Variants in MDGA2 observed in about 807,000 individuals in gnomAD.
MDGA2 encodes the protein MAM domain containing glycosylphosphatidylinositol anchor 2, also known as MAM domain-containing glycosylphosphatidylinositol anchor protein 2.
In MDGA2, 40 loss-of-function variants were observed where a neutral mutation model predicts 117.8. That is an observed-to-expected ratio of 0.34 (90% CI 0.26 to 0.44). The LOEUF (loss-of-function observed/expected upper bound fraction) is 0.44. Ranked by LOEUF, MDGA2 falls within the 20% of genes least tolerant of loss-of-function variation. The probability of loss-of-function intolerance (pLI) is 1.00; values close to 1 mark genes in which losing one functional copy is unlikely to be tolerated. For missense variants in MDGA2, 1,123 were observed against 1,250.6 expected (o/e 0.90, Z 1.54); for synonymous variants, 452 against 439.0 (o/e 1.03, Z -0.37).
chr14:47,562,013 A>AGG (rs1158928751), intron 1 of MDGA2, among the ~76,000 whole-genome samples: 2 of 152,192 alleles, frequency 1.3e-5, no homozygotes, highest in African/African-American at 4.8e-5. Context: ...AGTTCTGTCT[A>AGG]CAGGATAAAT....
At chr14:47,134,879 C>G (rs142890758) in intron 4 of MDGA2, among the ~76,000 whole-genome samples, 1 of 151,490 alleles carries the variant, frequency 6.6e-6, no homozygotes, top group Admixed American at 6.6e-5. Context: ...CTAAAAGCAA[C>G]CACGGAGTGA....
chr14:46,995,107 C>T (rs758022925), intron 8 of MDGA2, among the ~76,000 whole-genome samples: 11 of 151,454 alleles, frequency 7.3e-5, no homozygotes, highest in East Asian at 5.8e-4. Flanking sequence ...TCAGAGATGG[C>T]GATAAATATT....
At chr14:46,880,704 A>G (rs1882411579) in intron 11 of MDGA2, among the ~76,000 whole-genome samples, 1 of 149,772 alleles carries the variant, frequency 6.7e-6, no homozygotes, top group African/African-American at 2.5e-5. Flanking sequence ...CGGGAGGCTG[A>G]AGCAGGATAA....
chr14:47,255,804 T>C (rs966297088), intron 2 of MDGA2, among the ~76,000 whole-genome samples: 1 of 152,222 alleles, frequency 6.6e-6, no homozygotes, highest in South Asian at 2.1e-4. Flanking sequence ...GATATTATTC[T>C]TATATCTGAG....
Position 47,539,494 on chromosome 14 carries a change from C to T in MDGA2, c.280+135023G>A, listed in dbSNP as rs139221086. Among the ~76,000 whole-genome samples, 1,012 of 152,168 alleles carry T rather than the reference C, an allele frequency of 6.7e-3. 13 individuals carry two copies. The highest frequency in any genetic ancestry group is 0.023 in the African/African-American group (968 of 41,502). On this transcript the variant is annotated intron_variant, in intron 1 of 16. Coordinates refer to ENST00000399232, the MANE Select transcript of MDGA2 (RefSeq NM_001113498.3). ...GGAGCTGACAGGCAGTGAATAGATA[C>T]CCAGAACATCACTCAACAATCAAAA...
chr14:47,398,287 T>G (rs1892058919), intron 1 of MDGA2, among the ~76,000 whole-genome samples: 2 of 152,208 alleles, frequency 1.3e-5, no homozygotes, highest in South Asian at 4.1e-4. Flanking sequence ...AATATTATTT[T>G]GAGAGTTACA....
At chr14:47,536,429 T>C (rs1462575048) in intron 1 of MDGA2, among the ~76,000 whole-genome samples, 3 of 152,226 alleles carry the variant, frequency 2.0e-5, no homozygotes, top group Non-Finnish European at 4.4e-5. Flanking sequence ...CTGTCTATTC[T>C]GAAGTATGGA....
At chr14:47,500,742 A>C (rs2138672137) in intron 1 of MDGA2, among the ~76,000 whole-genome samples, 1 of 152,298 alleles carries the variant, frequency 6.6e-6, no homozygotes, top group African/African-American at 2.4e-5. Flanking sequence ...AAGGAGACTA[A>C]CGAAAGTTAA....
chr14:46,979,297 CCTT>C (rs1180383038), intron 8 of MDGA2, among the ~76,000 whole-genome samples: 3 of 152,074 alleles, frequency 2.0e-5, no homozygotes, highest in African/African-American at 7.2e-5. Context: ...CTCATATTCT[CCTT>C]CTCCTTAAGC....
rs146909301 is a variant in MDGA2 at position 47,327,254 on chromosome 14, T to C, written c.281-25704A>G. ...CCTTTGTTCCATTGGCCTAATCCAA[T>C]GAGAGCTCAGCTGAGTCAGCCCATC... On this transcript the variant is annotated intron_variant, in intron 1 of 16. Transcript: ENST00000399232. Among the ~76,000 whole-genome samples, 581 of 152,308 alleles carry C rather than the reference T, an allele frequency of 3.8e-3. 3 individuals are homozygous for C. Among genetic ancestry groups the C allele is most frequent in the African/African-American group, 0.012 (490 of 41,560 alleles).
intron 5 of MDGA2, among the ~76,000 whole-genome samples, chr14:47,125,961 T>C (rs1881882655): frequency 6.6e-6 from 1 of 152,048 alleles, no homozygotes; most frequent in Non-Finnish European, 1.5e-5. Flanking sequence ...ATAAAACTTG[T>C]TTTATCATAA....
chr14:47,450,155 T>C (rs1446411214), intron 1 of MDGA2, among the ~76,000 whole-genome samples: 1 of 152,072 alleles, frequency 6.6e-6, no homozygotes, highest in East Asian at 1.9e-4. Context: ...TTAGTACAGA[T>C]AGCTTTTTAT....
intron 1 of MDGA2, among the ~76,000 whole-genome samples, chr14:47,633,312 C>T (rs1200363175): frequency 6.6e-6 from 1 of 152,120 alleles, no homozygotes; most frequent in African/African-American, 2.4e-5. Context: ...ATAAGAACAC[C>T]AGTTAAACCT....
intron 1 of MDGA2, among the ~76,000 whole-genome samples, chr14:47,480,316 T>C (rs969503289): frequency 1.3e-5 from 2 of 152,030 alleles, no homozygotes; most frequent in African/African-American, 4.8e-5. Flanking sequence ...GTATTTTACA[T>C]AAGCATTGGA....
chr14:47,130,424 T>A (rs1882144460), intron 5 of MDGA2, among the ~76,000 whole-genome samples: 1 of 152,124 alleles, frequency 6.6e-6, no homozygotes, highest in Non-Finnish European at 1.5e-5. Flanking sequence ...AAATCAGTGT[T>A]CCTCCATTGC....
intron 8 of MDGA2, among the ~76,000 whole-genome samples, chr14:46,996,225 T>C (rs934481632): frequency 1.3e-5 from 2 of 152,210 alleles, no homozygotes; most frequent in African/African-American, 4.8e-5. Context: ...AATTCTTACA[T>C]ACTTGAATTA....
At chr14:47,268,475 C>A (rs182410586) in intron 2 of MDGA2, among the ~76,000 whole-genome samples, 1 of 152,146 alleles carries the variant, frequency 6.6e-6, no homozygotes, top group African/African-American at 2.4e-5. Flanking sequence ...CTGGATTCTA[C>A]TGACTATTTA....
At chr14:47,119,406 G>A in intron 5 of MDGA2, among the ~76,000 whole-genome samples, 1 of 152,022 alleles carries the variant, frequency 6.6e-6, no homozygotes, top group Admixed American at 6.6e-5. Flanking sequence ...ATACAATAAT[G>A]CTTTATTAAA....
chr14:46,952,770 T>G (rs543289860), intron 9 of MDGA2, among the ~76,000 whole-genome samples: 1 of 151,942 alleles, frequency 6.6e-6, no homozygotes, highest in Admixed American at 6.6e-5. Flanking sequence ...GTGTGATGAT[T>G]TGGGGGAAGG....
Sources: allele counts gnomAD v4.1 joint callset (sites outside exome capture counted in the v4.1 genomes callset), GRCh38; gene constraint gnomAD v4.1.1; transcripts MANE v1.5; gene names NCBI Gene and HGNC (gene_info 2026-07-23, HGNC 2026-07-21).